The following PSG1 variants were observed in gnomAD, a reference collection of about 807,000 sequenced individuals.
PSG1 encodes pregnancy specific beta-1-glycoprotein 1.
Under a neutral mutation model 41.4 loss-of-function variants are expected in PSG1, and 60 were observed. That is an observed-to-expected ratio of 1.45 (90% CI 1.18 to 1.80). The LOEUF (loss-of-function observed/expected upper bound fraction) is 1.80, where lower values mean the gene tolerates loss of function less well. Ranked by LOEUF, PSG1 falls within the 40% of genes most tolerant of loss-of-function variation. The pLI is 0.00. For missense variants in PSG1, 806 were observed against 516.9 expected (o/e 1.56, Z -5.42); for synonymous variants, 256 against 192.9 (o/e 1.33, Z -2.71).
At chr19:42,871,720 G>A in intron 3 of PSG1, 47 bp downstream of exon 3, 1 of 1,612,578 alleles carries the variant, frequency 6.2e-7, no homozygotes, top group Non-Finnish European at 8.5e-7. Flanking sequence ...CTGGCCACGT[G>A]TATTTGGGAT....
chr19:42,872,072 C>G (rs1600500326), intron 2 of PSG1, 27 bp from the exon 3 acceptor site: 2 of 1,595,662 alleles, frequency 1.3e-6, no homozygotes, highest in South Asian at 1.1e-5. Flanking sequence ...GTGAAGATTG[C>G]CGTGTGTGGC....
intron 2 of PSG1, chr19:42,876,785 C>G (rs1221080012): frequency 1.3e-5 from 2 of 157,782 alleles, no homozygotes; most frequent in African/African-American, 4.8e-5. Flanking sequence ...GACTAATCAG[C>G]TGACCATTTG....
chr19:42,877,879 C>T, intron 2 of PSG1, 34 bp downstream of exon 2: 1 of 1,611,830 alleles, frequency 6.2e-7, no homozygotes, highest in South Asian at 1.1e-5. Flanking sequence ...GACCCCTGTC[C>T]CCCAACACCC....
intron 2 of PSG1, 131 bp from the exon 3 acceptor site, chr19:42,872,176 G>GTGATACA (rs1337201613): frequency 1.5e-6 from 2 of 1,336,232 alleles, no homozygotes; most frequent in African/African-American, 2.9e-5. Flanking sequence ...GCAGGTGTGT[G>GTGATACA]TGATACAAGA....
chr19:42,871,702 C>T (rs1321001727), intron 3 of PSG1, 65 bp downstream of exon 3: 3 of 1,612,312 alleles, frequency 1.9e-6, no homozygotes, highest in South Asian at 1.1e-5. Context: ...GACAGAGAGG[C>T]CTGGCCTCTG....
rs1163021648 is a variant in PSG1 at position 42,871,362 on chromosome 19, G to C, written c.709+405C>G. Among the ~76,000 whole-genome samples, 6 of 151,606 alleles carry C rather than the reference G, an allele frequency of 4.0e-5. 1 individual carries two copies. The highest frequency in any genetic ancestry group is 2.1e-4 in the South Asian group (1 of 4,750). On this transcript the variant is annotated intron_variant, in intron 3 of 5. Transcript: ENST00000436291. ...GAAATGGTGGGGGCATCCAGGCCATGTGGAGTAAAGAGAATAATGTCACAG... is the reference window on the plus strand; with the variant it reads ...GAAATGGTGGGGGCATCCAGGCCATCTGGAGTAAAGAGAATAATGTCACAG...
chr19:42,871,262 C>T (rs1350985956), intron 3 of PSG1, among the ~76,000 whole-genome samples: 1 of 151,662 alleles, frequency 6.6e-6, no homozygotes, highest in Non-Finnish European at 1.5e-5. Context: ...GCCAAGAATG[C>T]TCTGCCAGTG....
chr19:42,877,702 C>T (rs934284761), intron 2 of PSG1, among the ~76,000 whole-genome samples: 10 of 151,678 alleles, frequency 6.6e-5, no homozygotes, highest in African/African-American at 9.7e-5. Flanking sequence ...TCCTCTGCAG[C>T]GAGTGTCTGC....
chr19:42,869,620 G>A (rs1240263598), intron 3 of PSG1: 1 of 157,650 alleles, frequency 6.3e-6, no homozygotes, highest in Non-Finnish European at 1.4e-5. Context: ...GGAGGCTCAA[G>A]GTGGGGCAGT....
intron 2 of PSG1, among the ~76,000 whole-genome samples, chr19:42,875,380 T>C (rs1278223528): frequency 6.6e-6 from 1 of 151,782 alleles, no homozygotes; most frequent in African/African-American, 2.4e-5. Context: ...GTTTCTATAA[T>C]CCCTGACTGC....
intron 2 of PSG1, chr19:42,876,862 G>C (rs960526031): frequency 3.9e-5 from 6 of 153,322 alleles, no homozygotes; most frequent in East Asian, 1.9e-4. Flanking sequence ...ACTATGGGGT[G>C]CTTGGAACCC....
chr19:42,876,416 A>G lies in PSG1; in HGVS notation c.430+1497T>C, dbSNP rs950937315. Reference sequence around the variant, plus strand: ...GCAAGAGGTAGTGGGGGGATGAAACATGGATGTCAGCCTCTGAAGGACAAG... The same window carrying G: ...GCAAGAGGTAGTGGGGGGATGAAACGTGGATGTCAGCCTCTGAAGGACAAG... On this transcript the variant is annotated intron_variant, in intron 2 of 5. Coordinates refer to ENST00000436291, the MANE Select transcript of PSG1 (RefSeq NM_001184825.2). Among the ~76,000 whole-genome samples the G allele has an allele frequency of 3.0e-4, 46 of 151,512 alleles. 2 individuals carry two copies. The highest frequency in any genetic ancestry group is 3.4e-3 in the Middle Eastern group (1 of 294).
intron 2 of PSG1, among the ~76,000 whole-genome samples, chr19:42,876,246 G>A (rs1971600087): frequency 6.6e-6 from 1 of 151,484 alleles, no homozygotes; most frequent in African/African-American, 2.4e-5. Flanking sequence ...GATACACCAT[G>A]GCAGTGAGCA....
At position 42,871,866 on chromosome 19, in the gene PSG1, G is replaced by T; in HGVS notation, c.610C>A (p.Leu204Ile). ...GCAGTATACTTTGTGACACCCAATA[G>T]AAAGAGGGTCCTGTTGGTTTCGGAC... ...KLSETNRTLF[L>I]LGVTKYTAGP... The change falls in exon 3 of 6, where the codon CTA becomes ATA. Residue 204 changes from leucine to isoleucine, a missense_variant. Transcript: ENST00000436291. 6.2e-7 allele frequency: 1 copy of T among 1,612,586 alleles called. No homozygotes were observed. Among genetic ancestry groups the T allele is most frequent in the Non-Finnish European group, 8.5e-7 (1 of 1,179,260 alleles).
intron 3 of PSG1, 119 bp downstream of exon 3, chr19:42,871,648 G>A: frequency 3.7e-6 from 6 of 1,608,062 alleles, no homozygotes; most frequent in Non-Finnish European, 4.2e-6. Context: ...TCATGGCCAG[G>A]TTTGATGTCC....
chr19:42,867,480 A>G, intron 5 of PSG1: 1 of 581,020 alleles, frequency 1.7e-6, no homozygotes. Context: ...CTGACTTCAG[A>G]CTTTGCCTGC....
chr19:42,867,922 C>T, intron 5 of PSG1, 179 bp downstream of exon 5: 1 of 1,528,344 alleles, frequency 6.5e-7, no homozygotes, highest in Non-Finnish European at 8.8e-7. Context: ...AGATATCAGC[C>T]TGTTTGTTAA....
At chr19:42,876,019 C>G (rs183238717) in intron 2 of PSG1, among the ~76,000 whole-genome samples, 1 of 151,332 alleles carries the variant, frequency 6.6e-6, no homozygotes, top group East Asian at 2.0e-4. Flanking sequence ...GGAAGCCTGG[C>G]AGGAGTGGCA....
At chr19:42,873,186 C>T (rs1439937255) in intron 2 of PSG1, among the ~76,000 whole-genome samples, 1 of 151,684 alleles carries the variant, frequency 6.6e-6, no homozygotes, top group African/African-American at 2.4e-5. Context: ...ATACTTCATA[C>T]AGATAAAGTG....
Sources: gnomAD v4.1 joint callset for allele counts (sites outside exome capture counted in the v4.1 genomes callset) on GRCh38, gnomAD v4.1.1 for gene constraint, MANE v1.5 for transcripts, NCBI Gene and HGNC (gene_info 2026-07-23, HGNC 2026-07-21) for gene names.